Variants in MAGI3 observed in about 807,000 individuals in gnomAD.
MAGI3 encodes membrane associated guanylate kinase, WW and PDZ domain containing 3, also known as membrane-associated guanylate kinase, WW and PDZ domain-containing protein 3.
Under a neutral mutation model 121.8 loss-of-function variants are expected in MAGI3, and 43 were observed. The ratio of observed to expected loss-of-function variants is 0.35; its 90% CI spans 0.28 to 0.46. The LOEUF (loss-of-function observed/expected upper bound fraction) is 0.46, where lower values mean the gene tolerates loss of function less well. Ranked by LOEUF, MAGI3 falls within the 20% of genes least tolerant of loss-of-function variation. The pLI is 1.00. For missense variants in MAGI3, 1,547 were observed against 1,797.3 expected (o/e 0.86, Z 2.52); for synonymous variants, 553 against 639.3 (o/e 0.86, Z 2.04).
intron 1 of MAGI3, among the ~76,000 whole-genome samples, chr1:113,457,662 A>G (rs1451928077): frequency 2.0e-5 from 3 of 151,934 alleles, no homozygotes; most frequent in African/African-American, 7.3e-5. Context: ...TCTTAAGAGG[A>G]TTACATTGCA....
intron 1 of MAGI3, among the ~76,000 whole-genome samples, chr1:113,444,686 A>G (rs184031698): frequency 8.5e-4 from 130 of 152,334 alleles, no homozygotes; most frequent in East Asian, 3.1e-3. Flanking sequence ...AGTTTTCAAC[A>G]TAAAAATGAC....
At chr1:113,601,908 T>A (rs1649411426) in intron 6 of MAGI3, among the ~76,000 whole-genome samples, 2 of 149,770 alleles carry the variant, frequency 1.3e-5, no homozygotes, top group South Asian at 4.3e-4. Context: ...AATGATGAGT[T>A]CATGTCCTTT....
chr1:113,669,477 A>C lies in MAGI3; in HGVS notation c.2816-2257A>C, dbSNP rs191461885. ...TGAACATGAGGTGAAATGGAAAGCC[A>C]GGAGTGCCCAGGTAACAAGTATCTT... On this transcript the variant is annotated intron_variant, in intron 16 of 20. Coordinates refer to ENST00000307546, the MANE Select transcript of MAGI3 (RefSeq NM_001142782.2). 4.6e-3 allele frequency among the ~76,000 whole-genome samples: 705 copies of C among 152,338 alleles called. 5 individuals carry two copies. The highest frequency in any genetic ancestry group is 0.016 in the African/African-American group (665 of 41,570).
At chr1:113,547,421 T>C (rs1659588058) in intron 1 of MAGI3, among the ~76,000 whole-genome samples, 2 of 152,200 alleles carry the variant, frequency 1.3e-5, no homozygotes, top group African/African-American at 4.8e-5. Flanking sequence ...ATAGCAGATA[T>C]TTAGATGTCG....
intron 1 of MAGI3, among the ~76,000 whole-genome samples, chr1:113,462,957 A>G (rs1291833347): frequency 6.6e-6 from 1 of 152,188 alleles, no homozygotes; most frequent in Non-Finnish European, 1.5e-5. Context: ...TTTATGAAAG[A>G]GTCCAATGGA....
At chr1:113,668,324 G>A (rs937073627) in intron 16 of MAGI3, among the ~76,000 whole-genome samples, 1 of 152,054 alleles carries the variant, frequency 6.6e-6, no homozygotes, top group Non-Finnish European at 1.5e-5. Flanking sequence ...TCTCATCGAA[G>A]GAGAGATATA....
chr1:113,674,127 C>T (rs1244283431), intron 19 of MAGI3, among the ~76,000 whole-genome samples: 3 of 152,188 alleles, frequency 2.0e-5, no homozygotes, highest in Non-Finnish European at 4.4e-5. Context: ...CGCGGTGGCT[C>T]ACGCCTGTAA....
At chr1:113,667,457 C>T (rs1647239624) in intron 16 of MAGI3, among the ~76,000 whole-genome samples, 1 of 152,186 alleles carries the variant, frequency 6.6e-6, no homozygotes, top group Non-Finnish European at 1.5e-5. Flanking sequence ...CTGCAGCTTC[C>T]TCAGCTCTCA....
intron 2 of MAGI3, among the ~76,000 whole-genome samples, chr1:113,576,233 C>T (rs1647625708): frequency 6.6e-6 from 1 of 152,220 alleles, no homozygotes; most frequent in Non-Finnish European, 1.5e-5. Context: ...AAAAAAACTC[C>T]TGCAGCTAGC....
At chr1:113,448,442 G>A (rs1460005849) in intron 1 of MAGI3, among the ~76,000 whole-genome samples, 1 of 152,170 alleles carries the variant, frequency 6.6e-6, no homozygotes, top group Non-Finnish European at 1.5e-5. Context: ...ACCAGTATAA[G>A]AGCAGAATTG....
intron 1 of MAGI3, among the ~76,000 whole-genome samples, chr1:113,395,903 T>C (rs1651086789): frequency 2.0e-5 from 3 of 152,164 alleles, no homozygotes; most frequent in Admixed American, 2.0e-4. Context: ...TTTTAAATTT[T>C]ATTCAGTTTA....
chr1:113,459,542 A>G (rs1654929742), intron 1 of MAGI3, among the ~76,000 whole-genome samples: 1 of 152,194 alleles, frequency 6.6e-6, no homozygotes. Context: ...ATTCCTTCTT[A>G]AGTTTCAGAA....
intron 1 of MAGI3, among the ~76,000 whole-genome samples, chr1:113,477,315 A>C (rs1297088368): frequency 6.6e-6 from 1 of 152,146 alleles, no homozygotes; most frequent in Admixed American, 6.5e-5. Context: ...CAGTTTCTTT[A>C]TAGCATCGAT....
At chr1:113,510,154 T>TA (rs1157800527) in intron 1 of MAGI3, among the ~76,000 whole-genome samples, 34 of 152,284 alleles carry the variant, frequency 2.2e-4, no homozygotes, top group Non-Finnish European at 1.0e-4. Context: ...TTTTCGTGCA[T>TA]AAAAAATGCA....
At chr1:113,637,698 G>A (rs1217197) in intron 9 of MAGI3, among the ~76,000 whole-genome samples, 113,032 of 150,642 alleles carry the variant, frequency 0.75, 43,080 homozygotes, top group African/African-American at 0.85. Context: ...GAATCTGACA[G>A]TTATGTGTCT....
At chr1:113,508,931 GA>G (rs1239791871) in intron 1 of MAGI3, among the ~76,000 whole-genome samples, 2 of 151,998 alleles carry the variant, frequency 1.3e-5, no homozygotes, top group Non-Finnish European at 2.9e-5. Flanking sequence ...TATTTTCCTT[GA>G]TTTTTTTTTC....
chr1:113,525,786 G>A (rs538834608), intron 1 of MAGI3, among the ~76,000 whole-genome samples: 2 of 152,002 alleles, frequency 1.3e-5, no homozygotes, highest in African/African-American at 2.4e-5. Flanking sequence ...GGCAGATCAC[G>A]AGGTCAGGAG....
chr1:113,525,116 G>A (rs2101632223), intron 1 of MAGI3, among the ~76,000 whole-genome samples: 1 of 152,310 alleles, frequency 6.6e-6, no homozygotes, highest in African/African-American at 2.4e-5. Context: ...GGAACTGTGA[G>A]TCCATTAAAC....
At chr1:113,660,792 A>G (rs1653749379) in intron 16 of MAGI3, among the ~76,000 whole-genome samples, 1 of 136,230 alleles carries the variant, frequency 7.3e-6, no homozygotes, top group East Asian at 2.1e-4. Flanking sequence ...TTTTTGAGAT[A>G]GGGGTCTCAC....
Sources: allele counts gnomAD v4.1 joint callset (sites outside exome capture counted in the v4.1 genomes callset), GRCh38; gene constraint gnomAD v4.1.1; transcripts MANE v1.5; gene names NCBI Gene and HGNC (gene_info 2026-07-23, HGNC 2026-07-21).